SLC24A3: variants seen among roughly 807,000 people sequenced by gnomAD.
The protein encoded by SLC24A3 is solute carrier family 24 member 3.
SLC24A3 carries 28 observed loss-of-function variants against 75.8 expected under a neutral mutation model. The ratio of observed to expected loss-of-function variants is 0.37; its 90% CI spans 0.27 to 0.51. The LOEUF (loss-of-function observed/expected upper bound fraction) is 0.51, where lower values mean the gene tolerates loss of function less well. SLC24A3 is among the 20% of genes least tolerant of loss of function. The pLI, the probability that SLC24A3 is intolerant of heterozygous loss-of-function variation, is 0.94. For synonymous variants in SLC24A3, 372 were observed against 334.1 expected (o/e 1.11, Z -1.24); for missense variants, 663 against 847.8 (o/e 0.78, Z 2.71).
chr20:19,617,969 T>C (rs771804198), intron 6 of SLC24A3, among the ~76,000 whole-genome samples: 4 of 152,116 alleles, frequency 2.6e-5, no homozygotes, highest in Non-Finnish European at 4.4e-5. Flanking sequence ...TGATCTCATT[T>C]CAGGTTTTGT....
At chr20:19,496,700 A>G (rs899072615) in intron 2 of SLC24A3, among the ~76,000 whole-genome samples, 1 of 152,150 alleles carries the variant, frequency 6.6e-6, no homozygotes, top group Non-Finnish European at 1.5e-5. Context: ...TAGGAGGTCA[A>G]GAAGGGCACG....
intron 1 of SLC24A3, among the ~76,000 whole-genome samples, chr20:19,228,640 G>A (rs964605057): frequency 1.3e-5 from 2 of 149,696 alleles, no homozygotes; most frequent in Non-Finnish European, 3.0e-5. Context: ...GCTAGACTCC[G>A]TCTCAAAAAA....
At chr20:19,700,047 A>G (rs564601340) in intron 15 of SLC24A3, among the ~76,000 whole-genome samples, 36 of 152,250 alleles carry the variant, frequency 2.4e-4, no homozygotes, top group African/African-American at 7.9e-4. Flanking sequence ...CCAAAGGTCA[A>G]CCATGGTTCA....
chr20:19,646,257 C>G lies in SLC24A3; in HGVS notation c.613-7805C>G, dbSNP rs139129415. Among the ~76,000 whole-genome samples the G allele has an allele frequency of 5.1e-3, 781 of 152,164 alleles. 6 individuals carry two copies. The highest frequency in any genetic ancestry group is 0.016 in the African/African-American group (680 of 41,510). Reference sequence around the variant, plus strand: ...AAGTATGGTTACTAGGTTTATCAAACAAAAATACAGTATATCACATTAAAT... The same window carrying G: ...AAGTATGGTTACTAGGTTTATCAAAGAAAAATACAGTATATCACATTAAAT... On this transcript the variant is annotated intron_variant, in intron 6 of 16. Coordinates refer to ENST00000328041, the MANE Select transcript of SLC24A3 (RefSeq NM_020689.4).
chr20:19,470,629 C>T (rs752964472), intron 2 of SLC24A3, among the ~76,000 whole-genome samples: 11 of 152,196 alleles, frequency 7.2e-5, no homozygotes, highest in Non-Finnish European at 1.5e-4. Flanking sequence ...GACATGACTA[C>T]TATTGGCTGA....
intron 3 of SLC24A3, among the ~76,000 whole-genome samples, chr20:19,523,088 A>G (rs1176042847): frequency 6.6e-6 from 1 of 152,234 alleles, no homozygotes; most frequent in East Asian, 1.9e-4. Flanking sequence ...AATTCAGTAT[A>G]AAGTTGCAAG....
At position 19,288,309 on chromosome 20, in the gene SLC24A3, A is replaced by G. The variant is rs146447057; in HGVS notation, c.271+7222A>G. ...GGGAGCAGAGGATTTTCTACTTTAT[A>G]CTAATGAAGAGTTTAAAGTCTCAGG... On this transcript the variant is annotated intron_variant, in intron 2 of 16. Transcript: ENST00000328041. Among the ~76,000 whole-genome samples, 12 of 152,342 alleles carry G rather than the reference A, an allele frequency of 7.9e-5. No homozygotes were observed. In the East Asian group the frequency reaches 2.3e-3, roughly 29 times the overall value.
At chr20:19,470,181 C>G (rs1987844947) in intron 2 of SLC24A3, among the ~76,000 whole-genome samples, 1 of 152,206 alleles carries the variant, frequency 6.6e-6, no homozygotes, top group African/African-American at 2.4e-5. Flanking sequence ...GTCCTACCCC[C>G]AAATGTTCGT....
intron 2 of SLC24A3, among the ~76,000 whole-genome samples, chr20:19,464,287 T>G (rs1987728307): frequency 6.6e-6 from 1 of 152,230 alleles, no homozygotes. Context: ...CTTCCTTGCC[T>G]TCCTCTGTGA....
intron 2 of SLC24A3, among the ~76,000 whole-genome samples, chr20:19,316,828 A>T (rs60388567): frequency 0.09 from 13,729 of 152,142 alleles, 1,999 homozygotes; most frequent in African/African-American, 0.31. Flanking sequence ...TTCTTTTTTT[A>T]AAAATTTCCT....
chr20:19,516,511 T>C (rs2029991774), intron 3 of SLC24A3, among the ~76,000 whole-genome samples: 1 of 152,364 alleles, frequency 6.6e-6, no homozygotes, highest in East Asian at 1.9e-4. Context: ...GTGGGAATGC[T>C]GCTCCACGGA....
chr20:19,613,604 C>T (rs749343536), intron 6 of SLC24A3, among the ~76,000 whole-genome samples: 3 of 152,198 alleles, frequency 2.0e-5, no homozygotes, highest in Non-Finnish European at 4.4e-5. Context: ...GTCACTTCCA[C>T]CTATGATGGA....
At chr20:19,372,010 G>T (rs1986000728) in intron 2 of SLC24A3, among the ~76,000 whole-genome samples, 1 of 152,146 alleles carries the variant, frequency 6.6e-6, no homozygotes, top group Non-Finnish European at 1.5e-5. Flanking sequence ...CAGACCCAGG[G>T]CTTCTATATC....
At chr20:19,257,086 C>T (rs931575326) in intron 1 of SLC24A3, among the ~76,000 whole-genome samples, 5 of 152,150 alleles carry the variant, frequency 3.3e-5, no homozygotes, top group African/African-American at 1.2e-4. Flanking sequence ...GATGACTCAT[C>T]TGGTATCATG....
At chr20:19,629,555 C>T (rs2031909348) in intron 6 of SLC24A3, among the ~76,000 whole-genome samples, 1 of 152,184 alleles carries the variant, frequency 6.6e-6, no homozygotes, top group African/African-American at 2.4e-5. Flanking sequence ...TCAAGGACCT[C>T]ATATAACTCC....
chr20:19,352,333 A>G (rs1985588729), intron 2 of SLC24A3, among the ~76,000 whole-genome samples: 1 of 152,040 alleles, frequency 6.6e-6, no homozygotes, highest in Admixed American at 6.6e-5. Flanking sequence ...TTAGCCCTGC[A>G]CTCACAGTAG....
At chr20:19,318,594 C>T (rs1353139282) in intron 2 of SLC24A3, among the ~76,000 whole-genome samples, 1 of 152,138 alleles carries the variant, frequency 6.6e-6, no homozygotes, top group Admixed American at 6.5e-5. Context: ...GGAGACACCA[C>T]ATGTACTCCT....
intron 2 of SLC24A3, among the ~76,000 whole-genome samples, chr20:19,431,209 C>T (rs1987096364): frequency 6.6e-6 from 1 of 151,926 alleles, no homozygotes; most frequent in Non-Finnish European, 1.5e-5. Flanking sequence ...CTAGGGGAAG[C>T]CTGGGTCCTC....
At chr20:19,399,174 T>A (rs542421254) in intron 2 of SLC24A3, among the ~76,000 whole-genome samples, 57 of 152,270 alleles carry the variant, frequency 3.7e-4, no homozygotes, top group African/African-American at 1.3e-3. Context: ...ATCATTTTTT[T>A]ATGACCATCT....
Sources: allele counts gnomAD v4.1 joint callset (sites outside exome capture counted in the v4.1 genomes callset), GRCh38; gene constraint gnomAD v4.1.1; transcripts MANE v1.5; gene names NCBI Gene and HGNC (gene_info 2026-07-23, HGNC 2026-07-21).